The following TRAPPC10 variants were observed in gnomAD, a reference collection of about 807,000 sequenced individuals.
TRAPPC10 encodes the protein trafficking protein particle complex subunit 10, also known as TRAPP 130 kDa subunit.
TRAPPC10 carries 23 observed loss-of-function variants against 125.5 expected under a neutral mutation model. The ratio of observed to expected loss-of-function variants is 0.18; its 90% CI spans 0.13 to 0.26. The LOEUF (loss-of-function observed/expected upper bound fraction) is 0.26. Among genes scored for constraint, TRAPPC10 ranks in the 10% least tolerant of loss-of-function variants. The pLI, the probability that TRAPPC10 is intolerant of heterozygous loss-of-function variation, is 1.00. For missense variants in TRAPPC10, 1,123 were observed against 1,308.4 expected (o/e 0.86, Z 2.19); for synonymous variants, 509 against 518.0 (o/e 0.98, Z 0.24).
At chr21:44,088,024 G>T in intron 17 of TRAPPC10, 96 bp downstream of exon 17, 3 of 1,070,428 alleles carry the variant, frequency 2.8e-6, no homozygotes, top group Non-Finnish European at 4.1e-6. Flanking sequence ...TGTTAGCCTG[G>T]CTCCTTCTGA....
Position 44,082,810 on chromosome 21 carries a change from G to T in TRAPPC10, c.1746G>T (p.Met582Ile), listed in dbSNP as rs753225922. 17 of 1,613,818 alleles carry T rather than the reference G, an allele frequency of 1.1e-5. No individual in the cohort carries two copies. The South Asian group carries it at 1.9e-4, about 18-fold the overall frequency. ...DSPGHKIVLP[M>I]HSFAQLRDLH... ...CAGGTCATAAGATAGTGCTACCCAT[G>T]CATTCCTTTGCACAACTGCGAGATC... Residue 582 changes from methionine to isoleucine, a missense_variant, in exon 14 of 23, where the codon ATG (methionine) becomes ATT (isoleucine). Met to Ile is a conservative substitution (Grantham distance 10, BLOSUM62 1). This residue lies in a region of TRAPPC10 where 840 missense variants were observed against 902.0 expected (regional missense o/e 0.93). Coordinates refer to ENST00000291574, the MANE Select transcript of TRAPPC10 (RefSeq NM_003274.5). This position sits in a 1 kb window ranked among gnomAD's most constrained non-coding sequence, Gnocchi z 4.4.
intron 3 of TRAPPC10, among the ~76,000 whole-genome samples, chr21:44,048,435 T>G (rs1601655777): frequency 6.6e-6 from 1 of 152,170 alleles, no homozygotes; most frequent in African/African-American, 2.4e-5. Flanking sequence ...TGTCCTGGTC[T>G]TGAAAACCAC....
chr21:44,044,320 T>TC (rs1008615707), intron 3 of TRAPPC10, among the ~76,000 whole-genome samples: 2 of 152,054 alleles, frequency 1.3e-5, no homozygotes, highest in African/African-American at 2.4e-5. Context: ...AATAGCCTTT[T>TC]TTTTTTCAAA....
chr21:44,048,484 TTTTGTTTG>T (rs776645968), intron 3 of TRAPPC10, among the ~76,000 whole-genome samples: 1 of 152,046 alleles, frequency 6.6e-6, no homozygotes, highest in Non-Finnish European at 1.5e-5. Flanking sequence ...TTGTTTTGGT[TTTTGTTTG>T]TTTGTTTGTT....
Position 44,049,599 on chromosome 21 carries a change from C to G in TRAPPC10, c.286-2681C>G, listed in dbSNP as rs2035098477. 2.6e-5 allele frequency among the ~76,000 whole-genome samples: 4 copies of G among 152,202 alleles called. No homozygotes were observed. The South Asian group carries it at 8.3e-4, about 31-fold the overall frequency. On this transcript the variant is annotated intron_variant, in intron 3 of 22. Coordinates refer to ENST00000291574, the MANE Select transcript of TRAPPC10 (RefSeq NM_003274.5). ...TTATACCACTTACACCCTTATACCT[C>G]TGTGCCAGCCCCAAAATCCTTCATC... is the stretch of plus-strand genomic sequence containing the variant.
intron 1 of TRAPPC10, among the ~76,000 whole-genome samples, chr21:44,019,506 G>A (rs1346600001): frequency 6.6e-6 from 1 of 152,132 alleles, no homozygotes; most frequent in Non-Finnish European, 1.5e-5. Flanking sequence ...TATAGTCACA[G>A]TATTTTGGCC....
intron 3 of TRAPPC10, among the ~76,000 whole-genome samples, chr21:44,051,314 A>G (rs1349471068): frequency 6.6e-6 from 1 of 152,236 alleles, no homozygotes; most frequent in South Asian, 2.1e-4. Flanking sequence ...ACAGTGAGGA[A>G]CTAGCAAAAG....
rs767557685 is a variant in TRAPPC10 at position 44,082,770 on chromosome 21, G to A, written c.1724-18G>A. The A allele has an allele frequency of 1.7e-5, 27 of 1,610,502 alleles. No homozygotes were observed. In the South Asian group the frequency reaches 2.5e-4, roughly 15 times the overall value. ...AAGTGTGACTTGGGGAGTCACTTAC[G>A]ATAATGTCTATTTACAGGTCATAAG... On this transcript the variant is annotated intron_variant, in intron 13 of 22. Transcript: ENST00000291574. This position sits in a 1 kb window ranked among gnomAD's most constrained non-coding sequence, Gnocchi z 4.4.
At chr21:44,075,861 C>T (rs1288877834) in intron 9 of TRAPPC10, among the ~76,000 whole-genome samples, 1 of 152,180 alleles carries the variant, frequency 6.6e-6, no homozygotes, top group Non-Finnish European at 1.5e-5. Context: ...ACCAGCCTGA[C>T]CAACATGGAG....
chr21:44,092,151 T>C (rs1230461554), intron 19 of TRAPPC10, 102 bp downstream of exon 19: 1 of 1,445,480 alleles, frequency 6.9e-7, no homozygotes, highest in Non-Finnish European at 9.4e-7. Context: ...ATAGAACAGC[T>C]GCACTGCTGA....
chr21:44,091,811 G>T, intron 18 of TRAPPC10, 112 bp from the exon 19 acceptor site: 2 of 1,018,576 alleles, frequency 2.0e-6, no homozygotes, highest in Non-Finnish European at 2.8e-6. Flanking sequence ...AGCTTACTTT[G>T]CTTTGTTGCT....
chr21:44,070,762 G>A (rs765049149), intron 7 of TRAPPC10, among the ~76,000 whole-genome samples: 3 of 152,216 alleles, frequency 2.0e-5, no homozygotes, highest in Admixed American at 6.5e-5. Flanking sequence ...ATAAGCCAGG[G>A]TGGCTCTGGC....
intron 1 of TRAPPC10, among the ~76,000 whole-genome samples, chr21:44,022,374 C>T (rs2032613975): frequency 6.7e-6 from 1 of 149,890 alleles, no homozygotes; most frequent in Admixed American, 6.7e-5. Context: ...ACCTCCGCCT[C>T]CCAGGTTCAA....
intron 2 of TRAPPC10, among the ~76,000 whole-genome samples, chr21:44,032,559 T>A (rs2033674921): frequency 6.6e-6 from 1 of 152,072 alleles, no homozygotes; most frequent in African/African-American, 2.4e-5. Flanking sequence ...ATTTTTGTAG[T>A]TTTAGTAGAG....
At position 44,084,142 on chromosome 21, in the gene TRAPPC10, T is replaced by C; in HGVS notation, c.2259T>C (p.Tyr753=). ...FRTQAKEPGT[Y]TLRQLCASVG... ...TCTAGGCCAAGGAACCTGGAACGTA[T>C]ACACTCAGGCAGCTGTGCGCCTCGG... Residue 753 remains tyrosine (Y), a synonymous_variant, in exon 15 of 23, where the codon TAT becomes TAC. Transcript: ENST00000291574. The C allele has an allele frequency of 6.2e-7, 1 of 1,614,220 alleles. No homozygotes were observed. Among genetic ancestry groups the C allele is most frequent in the Non-Finnish European group, 8.5e-7 (1 of 1,180,048 alleles).
chr21:44,039,678 A>G (rs1311109907), intron 3 of TRAPPC10, among the ~76,000 whole-genome samples: 2 of 152,208 alleles, frequency 1.3e-5, no homozygotes, highest in Non-Finnish European at 2.9e-5. Flanking sequence ...CAGCCTGGCC[A>G]AGATGGTGAA....
chr21:44,043,915 T>TAAA lies in TRAPPC10; in HGVS notation c.285+5989_285+5990insAAA, dbSNP rs1200896616. 2.6e-5 allele frequency among the ~76,000 whole-genome samples: 4 copies of TAAA among 152,258 alleles called. No homozygotes were observed. In the East Asian group the frequency reaches 7.7e-4, roughly 29 times the overall value. ...CCCAGCTGAGTCCCACTGTGTGTTT[T>TAAA]AGCTCCCAGCCTCAACACGCCACTG... On this transcript the variant is annotated intron_variant, in intron 3 of 22. Transcript: ENST00000291574.
chr21:44,062,444 T>G, intron 6 of TRAPPC10: 1 of 618,992 alleles, frequency 1.6e-6, no homozygotes, highest in Non-Finnish European at 2.0e-6. Flanking sequence ...GTATGTGCCA[T>G]TGGAGCTTAG....
chr21:44,079,827 G>A lies in TRAPPC10; in HGVS notation c.1610+123G>A, dbSNP rs1375729140. On this transcript the variant is annotated intron_variant, in intron 12 of 22. Coordinates refer to ENST00000291574, the MANE Select transcript of TRAPPC10 (RefSeq NM_003274.5). ...GAGAAAAGTCCTAACTTATACATAT[G>A]TATTGTATAGAAAATGAATGAAATG... is the stretch of plus-strand genomic sequence containing the variant. The A allele has an allele frequency of 7.1e-6, 8 of 1,129,522 alleles. No individual in the cohort carries two copies. The South Asian group carries it at 7.4e-5, about 10-fold the overall frequency. The allele number at this position is 1,129,522 out of a possible 1,614,324, so 70.0% of individuals were successfully genotyped here.
Sources: gnomAD v4.1 joint callset for allele counts (sites outside exome capture counted in the v4.1 genomes callset) on GRCh38, gnomAD v4.1.1 for gene constraint, gnomAD v4.1.1 regional missense constraint, Gnocchi (gnomAD v3.1) non-coding constraint, MANE v1.5 for transcripts, NCBI Gene and HGNC (gene_info 2026-07-23, HGNC 2026-07-21) for gene names.